FHIT: variants seen among roughly 807,000 people sequenced by gnomAD.
The protein encoded by FHIT is fragile histidine triad diadenosine triphosphatase.
FHIT carries 19 observed loss-of-function variants against 17.9 expected under a neutral mutation model. That is an observed-to-expected ratio of 1.06 (90% CI 0.74 to 1.56). The LOEUF is 1.56. FHIT is among the 40% of genes most tolerant of loss of function. FHIT has a pLI of 0.00. For synonymous variants in FHIT, 81 were observed against 69.7 expected (o/e 1.16, Z -0.81); for missense variants, 248 against 189.2 (o/e 1.31, Z -1.82).
intron 5 of FHIT, among the ~76,000 whole-genome samples, chr3:60,187,126 G>C (rs1485847577): frequency 2.0e-5 from 3 of 152,124 alleles, no homozygotes; most frequent in Non-Finnish European, 4.4e-5. Context: ...GGTATACATT[G>C]TGATTCATTT....
At chr3:60,105,893 T>C (rs961398100) in intron 5 of FHIT, among the ~76,000 whole-genome samples, 4 of 152,212 alleles carry the variant, frequency 2.6e-5, no homozygotes, top group Non-Finnish European at 4.4e-5. Flanking sequence ...AATTCTACAG[T>C]AGTCCCTCCT....
intron 3 of FHIT, among the ~76,000 whole-genome samples, chr3:60,961,136 G>T (rs538927409): frequency 6.6e-6 from 1 of 152,330 alleles, no homozygotes; most frequent in African/African-American, 2.4e-5. Context: ...TAAATGGTGT[G>T]AGATGGTATC....
chr3:60,343,362 C>G (rs191463125), intron 5 of FHIT, among the ~76,000 whole-genome samples: 72 of 152,158 alleles, frequency 4.7e-4, no homozygotes, highest in African/African-American at 1.5e-3. Context: ...CTAGCAGTCT[C>G]TAAGATAGAA....
intron 5 of FHIT, among the ~76,000 whole-genome samples, chr3:60,487,271 G>A (rs2107491382): frequency 6.6e-6 from 1 of 152,274 alleles, no homozygotes; most frequent in South Asian, 2.1e-4. Flanking sequence ...GTGAAGGAAA[G>A]CATAAGCAAG....
chr3:60,258,081 CA>C (rs1275219475), intron 5 of FHIT, among the ~76,000 whole-genome samples: 13 of 126,496 alleles, frequency 1.0e-4, no homozygotes, highest in Non-Finnish European at 2.2e-4. Flanking sequence ...CACACACACA[CA>C]CACACACACA....
intron 5 of FHIT, among the ~76,000 whole-genome samples, chr3:60,072,958 C>T (rs1576032895): frequency 1.3e-5 from 2 of 152,308 alleles, no homozygotes; most frequent in East Asian, 3.9e-4. Flanking sequence ...CAACAGATGA[C>T]TGCACTGTGT....
At chr3:60,037,157 T>C (rs1463060496) in intron 5 of FHIT, among the ~76,000 whole-genome samples, 1 of 152,232 alleles carries the variant, frequency 6.6e-6, no homozygotes, top group African/African-American at 2.4e-5. Flanking sequence ...TGAATTTATC[T>C]GATTATTATT....
At chr3:60,084,277 G>C (rs1703408619) in intron 5 of FHIT, among the ~76,000 whole-genome samples, 1 of 152,128 alleles carries the variant, frequency 6.6e-6, no homozygotes, top group Non-Finnish European at 1.5e-5. Flanking sequence ...ACCATTGTAA[G>C]TTACAACAAT....
rs547384090 is a variant in FHIT, at chr3:60,188,959, C to A, written c.104-174807G>T. Among the ~76,000 whole-genome samples the A allele has an allele frequency of 1.6e-3, 236 of 152,180 alleles. 2 individuals carry two copies. The highest frequency in any genetic ancestry group is 7.7e-4 in the East Asian group (4 of 5,172). On this transcript the variant is annotated intron_variant, in intron 5 of 9. Transcript: ENST00000492590. Reference sequence around the variant, plus strand: ...TAAAAGAAGGACACTAATATGAGCACTGTAGCTTTCTGCACTTCAGTAAAA... The same window carrying A: ...TAAAAGAAGGACACTAATATGAGCAATGTAGCTTTCTGCACTTCAGTAAAA...
rs528038457 is a variant in FHIT at position 59,908,532 on chromosome 3, G to A, written c.348+13814C>T. Among the ~76,000 whole-genome samples the A allele has an allele frequency of 6.4e-4, 97 of 152,258 alleles. 1 individual carries two copies. In the South Asian group the frequency reaches 0.012, roughly 18 times the overall value. The stretch of plus-strand genomic sequence containing the variant: ...TGCAAAGAATGATGGCATTCCTTAC[G>A]GGTATCAGAATGGACCAAAGATGCA... On this transcript the variant is annotated intron_variant, in intron 8 of 9. Transcript: ENST00000492590.
At chr3:61,235,475 G>A (rs1412428737) in intron 1 of FHIT, among the ~76,000 whole-genome samples, 1 of 152,036 alleles carries the variant, frequency 6.6e-6, no homozygotes, top group Non-Finnish European at 1.5e-5. Flanking sequence ...ATTTTTATGT[G>A]CAGATAGATC....
At chr3:60,905,827 A>G (rs1706380273) in intron 3 of FHIT, among the ~76,000 whole-genome samples, 1 of 152,162 alleles carries the variant, frequency 6.6e-6, no homozygotes, top group Non-Finnish European at 1.5e-5. Flanking sequence ...TAATGAAAAT[A>G]TTTTCAAAGA....
chr3:60,807,417 A>C (rs1701433496), intron 4 of FHIT, among the ~76,000 whole-genome samples: 1 of 151,842 alleles, frequency 6.6e-6, no homozygotes, highest in South Asian at 2.1e-4. Flanking sequence ...TACAAAAAAA[A>C]AGAAAAAAAA....
intron 1 of FHIT, among the ~76,000 whole-genome samples, chr3:61,205,301 T>C (rs1190285576): frequency 6.6e-6 from 1 of 152,166 alleles, no homozygotes; most frequent in South Asian, 2.1e-4. Context: ...TGTGTCTTTA[T>C]AGCAGCATGA....
At chr3:60,149,489 A>ATTT (rs1700370895) in intron 5 of FHIT, among the ~76,000 whole-genome samples, 2 of 152,182 alleles carry the variant, frequency 1.3e-5, no homozygotes, top group South Asian at 4.1e-4. Context: ...AGTATATGGT[A>ATTT]TTTTGATCAA....
chr3:59,822,594 TTGTC>T (rs1305953847), intron 8 of FHIT, among the ~76,000 whole-genome samples: 3 of 152,218 alleles, frequency 2.0e-5, no homozygotes, highest in East Asian at 1.9e-4. Context: ...CATTTGTACA[TTGTC>T]TGTTGAGAAT....
intron 4 of FHIT, among the ~76,000 whole-genome samples, chr3:60,803,011 G>GAAATAAAT (rs36036534): frequency 1.1e-4 from 16 of 151,928 alleles, no homozygotes; most frequent in African/African-American, 2.7e-4. Context: ...AAACCAAACC[G>GAAATAAAT]AAATAAATAA....
chr3:61,174,442 T>C (rs1426740019), intron 2 of FHIT, among the ~76,000 whole-genome samples: 1 of 152,210 alleles, frequency 6.6e-6, no homozygotes, highest in Non-Finnish European at 1.5e-5. Flanking sequence ...TGTCATTAAA[T>C]ATAAAGCATC....
intron 5 of FHIT, among the ~76,000 whole-genome samples, chr3:60,171,918 C>G (rs1000474647): frequency 6.6e-6 from 1 of 152,024 alleles, no homozygotes; most frequent in African/African-American, 2.4e-5. Context: ...AGATTTGTAT[C>G]ATACTACTGG....
Sources: gnomAD v4.1 joint callset for allele counts (sites outside exome capture counted in the v4.1 genomes callset) on GRCh38, gnomAD v4.1.1 for gene constraint, MANE v1.5 for transcripts, NCBI Gene and HGNC (gene_info 2026-07-23, HGNC 2026-07-21) for gene names.